The following NID2 variants were observed in gnomAD, a reference collection of about 807,000 sequenced individuals.
NID2 encodes nidogen-2.
A neutral mutation model predicts 145.4 loss-of-function variants in NID2; 83 were observed. That is an observed-to-expected ratio of 0.57 (90% confidence interval 0.48 to 0.69). The LOEUF (loss-of-function observed/expected upper bound fraction) is 0.69, where lower values mean the gene tolerates loss of function less well. Ranked by LOEUF, NID2 falls within the 30% of genes least tolerant of loss-of-function variation. The probability of loss-of-function intolerance (pLI) is 0.00; values close to 1 mark genes in which losing one functional copy is unlikely to be tolerated. For missense variants in NID2, 1,807 were observed against 1,765.7 expected, an observed-to-expected ratio of 1.02 and a Z score of -0.42; for synonymous variants, 739 against 701.3, an observed-to-expected ratio of 1.05 and a Z score of -0.85.
In NID2 at chr14:52,005,932, A is replaced by G. The variant is rs902901542; in HGVS notation, c.4005-83T>C. ...AGTCAGCCACAGAAAATCAGTTGCAATAGAGGAAAATTTCTGGCAGCCTTC... is the reference window on the plus strand; with the variant it reads ...AGTCAGCCACAGAAAATCAGTTGCAGTAGAGGAAAATTTCTGGCAGCCTTC... On this transcript the variant is annotated intron_variant, in intron 20 of 21. Transcript: ENST00000216286. 3.9e-5 allele frequency: 40 copies of G among 1,038,910 alleles called. 2 individuals carry two copies. The South Asian group carries it at 5.2e-4, about 14-fold the overall frequency. The allele number at this position is 1,038,910 out of a possible 1,614,324, so 64.4% of individuals were successfully genotyped here.
Position 52,030,562 on chromosome 14 carries a change from A to G in NID2, c.2258-872T>C, listed in dbSNP as rs1454261813. Among the ~76,000 whole-genome samples the G allele has an allele frequency of 5.4e-3, 351 of 65,088 alleles. 14 individuals carry two copies. The highest frequency in any genetic ancestry group is 0.017 in the African/African-American group (341 of 20,350). 42.7% of individuals were successfully genotyped at this position (65,088 alleles called of 152,430 possible). On this transcript the variant is annotated intron_variant, in intron 9 of 21. Transcript: ENST00000216286. ...AAAGAAAGAAAGAAAGAAAGAAAGAAAGAAAGGAAGGAAGGGAAAGAAAGA... is the reference window on the plus strand; with the variant it reads ...AAAGAAAGAAAGAAAGAAAGAAAGAGAGAAAGGAAGGAAGGGAAAGAAAGA...
intron 12 of NID2, among the ~76,000 whole-genome samples, chr14:52,024,736 G>T (rs1020336239): frequency 5.3e-5 from 8 of 152,202 alleles, no homozygotes; most frequent in Admixed American, 4.6e-4. Context: ...TAAAAGCAGA[G>T]AACCAGAAAT....
chr14:52,035,649 T>TA (rs1892033833), intron 9 of NID2, among the ~76,000 whole-genome samples: 1 of 150,624 alleles, frequency 6.6e-6, no homozygotes, highest in Non-Finnish European at 1.5e-5. Context: ...AGAATGGTTT[T>TA]AGAGTTTTGT....
chr14:52,036,663 C>G (rs1892083989), intron 9 of NID2, among the ~76,000 whole-genome samples: 1 of 152,188 alleles, frequency 6.6e-6, no homozygotes, highest in Non-Finnish European at 1.5e-5. Context: ...TTCTCGCCAA[C>G]ACTTGTTATT....
chr14:52,068,963 AC>A lies in NID2; in HGVS notation c.31del (p.Val11CysfsTer14). ...CAGTAGCACTGGTAACGACGACAGCACCGGCCGCCCGGCCACCCGGTCCCCC... is the reference window on the plus strand; with the variant it reads ...CAGTAGCACTGGTAACGACGACAGCACGGCCGCCCGGCCACCCGGTCCCCC... MEGDRVAGRP[V>X]LSSLPVLLLL... On this transcript the variant is annotated frameshift_variant, in exon 1 of 22. Coordinates refer to ENST00000216286, the MANE Select transcript of NID2 (RefSeq NM_007361.4). LOFTEE classifies it high-confidence loss of function. 6.2e-7 allele frequency: 1 copy of A among 1,612,748 alleles called. No individual in the cohort carries two copies. Among genetic ancestry groups the A allele is most frequent in the Non-Finnish European group, 8.5e-7 (1 of 1,179,626 alleles).
chr14:52,027,377 T>G (rs1380947167), intron 11 of NID2, 33 bp from the exon 12 acceptor site: 1 of 1,482,006 alleles, frequency 6.7e-7, no homozygotes, highest in Non-Finnish European at 9.0e-7. Flanking sequence ...GCATCCAGAG[T>G]TTAGGCCTGC....
chr14:52,008,042 T>G (rs946892652), intron 18 of NID2, 75 bp from the exon 19 acceptor site: 1 of 1,216,404 alleles, frequency 8.2e-7, no homozygotes, highest in Non-Finnish European at 1.2e-6. Context: ...CAGCCCCCAG[T>G]GATCTCCATC....
chr14:52,029,440 T>TG, intron 10 of NID2, 107 bp downstream of exon 10: 1 of 1,006,736 alleles, frequency 9.9e-7, no homozygotes, highest in East Asian at 2.4e-5. Flanking sequence ...TCATTGACAA[T>TG]GGAGGTTGTA....
intron 3 of NID2, among the ~76,000 whole-genome samples, chr14:52,055,087 C>T (rs149583996): frequency 6.6e-5 from 10 of 152,304 alleles, no homozygotes; most frequent in African/African-American, 2.4e-4. Flanking sequence ...ATGCCCCTTC[C>T]CTGTGCCAAG....
chr14:52,010,085 G>C (rs1195749738), intron 18 of NID2: 1 of 152,240 alleles, frequency 6.6e-6, no homozygotes, highest in East Asian at 1.9e-4. Context: ...ATTAATTCCT[G>C]TTAAGTCAAC....
chr14:52,068,637 G>T (rs1893310577), intron 1 of NID2, 130 bp downstream of exon 1: 10 of 772,134 alleles, frequency 1.3e-5, no homozygotes, highest in Non-Finnish European at 2.1e-5. Context: ...CTCTGGCCGG[G>T]TACCACCGCA....
In NID2 at chr14:52,005,752, G is replaced by A; in HGVS notation, c.4102C>T (p.Pro1368Ser). Residue 1368 changes from proline (P) to serine (S), a missense_variant, in exon 21 of 22, where the codon CCC (proline) becomes TCC (serine). Coordinates refer to ENST00000216286, the MANE Select transcript of NID2 (RefSeq NM_007361.4). The stretch of plus-strand genomic sequence containing the variant: ...TACTTTTTACCTGTTGGGCAGTAGG[G>A]GTAGACTGCAGTTATCCCGTAGAGG... ...SHLYGITAVY[P>S]YCPTGRK 6.2e-7 allele frequency: 1 copy of A among 1,612,258 alleles called. No homozygotes were observed. The highest frequency in any genetic ancestry group is 1.1e-5 in the South Asian group (1 of 91,030).
chr14:52,011,458 CT>C, intron 17 of NID2, 95 bp downstream of exon 17: 1 of 1,519,380 alleles, frequency 6.6e-7, no homozygotes, highest in East Asian at 2.3e-5. Flanking sequence ...TTAACCTCCC[CT>C]AATGGAGAAA....
intron 16 of NID2, among the ~76,000 whole-genome samples, chr14:52,013,697 A>G (rs1311701721): frequency 6.6e-6 from 1 of 152,146 alleles, no homozygotes. Flanking sequence ...GAAGCATCAA[A>G]CATCCCCTGG....
At chr14:52,043,232 A>G (rs1892351876) in intron 5 of NID2, among the ~76,000 whole-genome samples, 1 of 152,194 alleles carries the variant, frequency 6.6e-6, no homozygotes, top group African/African-American at 2.4e-5. Flanking sequence ...GTTAGGTTGA[A>G]CTTCATGAAA....
chr14:52,037,377 T>C (rs1892110802), intron 9 of NID2, among the ~76,000 whole-genome samples: 1 of 152,322 alleles, frequency 6.6e-6, no homozygotes, highest in South Asian at 2.1e-4. Context: ...ATGTGCCATG[T>C]TGGTGAGCTG....
chr14:52,058,603 A>G (rs575095463), intron 3 of NID2, among the ~76,000 whole-genome samples: 4 of 152,274 alleles, frequency 2.6e-5, no homozygotes, highest in African/African-American at 9.6e-5. Context: ...TGTTAGTTCC[A>G]AGAGACCTTT....
chr14:52,014,215 A>G lies in NID2; in HGVS notation c.3420+72T>C, dbSNP rs747805348. The G allele has an allele frequency of 1.9e-6, 3 of 1,587,360 alleles. No homozygotes were observed. The Admixed American group carries it at 5.0e-5, about 26-fold the overall frequency. ...CCCTGCACCAGTCCACCTCACTGCA[A>G]CAGGGCCTGTGAGGTGGCTCCCACT... On this transcript the variant is annotated intron_variant, in intron 16 of 21. Coordinates refer to ENST00000216286, the MANE Select transcript of NID2 (RefSeq NM_007361.4).
In NID2 at chr14:52,011,593, G is replaced by C; in HGVS notation, c.3511C>G (p.Leu1171Val). Residue 1171 changes from leucine to valine, a missense_variant, in exon 17 of 22, where the codon CTG becomes GTG. Leu to Val is a conservative substitution (Grantham distance 32). Transcript: ENST00000216286. Reference sequence around the variant, plus strand: ...GTCTCAGGCTCTGCTCCCAGTTCCAGACCAGCACGGCTGATTGTCCGTCCA... The same window carrying C: ...GTCTCAGGCTCTGCTCCCAGTTCCACACCAGCACGGCTGATTGTCCGTCCA... The part of the protein sequence containing the change: ...VAGRTISRAG[L>V]ELGAEPETIV... 2 of 1,614,180 alleles carry C rather than the reference G, an allele frequency of 1.2e-6. No homozygotes were observed. The highest frequency in any genetic ancestry group is 1.7e-6 in the Non-Finnish European group (2 of 1,180,024).
Sources: gnomAD v4.1 joint callset for allele counts (sites outside exome capture counted in the v4.1 genomes callset) on GRCh38, gnomAD v4.1.1 for gene constraint, MANE v1.5 for transcripts, NCBI Gene and HGNC (gene_info 2026-07-23, HGNC 2026-07-21) for gene names.